The following DLGAP2 variants were observed in gnomAD, a reference collection of about 807,000 sequenced individuals.
DLGAP2 encodes the protein DLG associated protein 2, also known as disks large-associated protein 2.
DLGAP2 carries 26 observed loss-of-function variants against 100.3 expected under a neutral mutation model. The observed-to-expected ratio is 0.26, with a 90% CI of 0.19 to 0.36. DLGAP2 has a LOEUF of 0.36. Among genes scored for constraint, DLGAP2 ranks in the 10% least tolerant of loss-of-function variants. The pLI, the probability that DLGAP2 is intolerant of heterozygous loss-of-function variation, is 1.00. For synonymous variants in DLGAP2, 886 were observed against 630.1 expected, an observed-to-expected ratio of 1.41 and a Z score of -6.08; for missense variants, 1,858 against 1,453.2, an observed-to-expected ratio of 1.28 and a Z score of -4.53.
intron 12 of DLGAP2, among the ~76,000 whole-genome samples, chr8:1,679,958 C>T (rs1216826836): frequency 9.5e-6 from 1 of 105,580 alleles, no homozygotes; most frequent in East Asian, 3.2e-4. Flanking sequence ...CCAGCCTGGG[C>T]AACAGAATGA....
At chr8:981,465 A>T (rs527494004) in intron 2 of DLGAP2, among the ~76,000 whole-genome samples, 1 of 152,040 alleles carries the variant, frequency 6.6e-6, no homozygotes, top group Non-Finnish European at 1.5e-5. Context: ...GCGCTAGGTC[A>T]TTTGGTAAAT....
At chr8:1,499,968 C>A (rs1387263416) in intron 3 of DLGAP2, among the ~76,000 whole-genome samples, 1 of 118,126 alleles carries the variant, frequency 8.5e-6, no homozygotes, top group African/African-American at 3.4e-5. Flanking sequence ...TGGCTAACTG[C>A]ATCTAACACT....
intron 3 of DLGAP2, among the ~76,000 whole-genome samples, chr8:1,370,244 A>T (rs1016878855): frequency 6.6e-6 from 1 of 152,046 alleles, no homozygotes; most frequent in African/African-American, 2.4e-5. Flanking sequence ...AATGGAGGTG[A>T]TGTCCCACGG....
At chr8:1,531,350 G>A (rs141588191) in intron 4 of DLGAP2, among the ~76,000 whole-genome samples, 54 of 151,830 alleles carry the variant, frequency 3.6e-4, no homozygotes, top group East Asian at 3.9e-4. Flanking sequence ...TATTCTCCTA[G>A]AATAAGTTTC....
At chr8:1,454,943 C>G (rs1181607647) in intron 3 of DLGAP2, among the ~76,000 whole-genome samples, 1 of 152,186 alleles carries the variant, frequency 6.6e-6, no homozygotes, top group Admixed American at 6.5e-5. Flanking sequence ...CTCTGAGCTT[C>G]CCCGCCCATC....
At chr8:822,756 G>A (rs1796607392) in intron 1 of DLGAP2, among the ~76,000 whole-genome samples, 1 of 152,178 alleles carries the variant, frequency 6.6e-6, no homozygotes, top group African/African-American at 2.4e-5. Context: ...ACAGGCCTGG[G>A]CGTGGTGAGA....
chr8:1,547,830 A>ACAGCT (rs987741146), intron 4 of DLGAP2, among the ~76,000 whole-genome samples: 1 of 152,154 alleles, frequency 6.6e-6, no homozygotes, highest in Non-Finnish European at 1.5e-5. Context: ...CACAGATGGG[A>ACAGCT]CCTCGAGAAA....
chr8:1,411,222 G>C (rs1231674102), intron 3 of DLGAP2, among the ~76,000 whole-genome samples: 6 of 152,024 alleles, frequency 3.9e-5, no homozygotes, highest in Non-Finnish European at 8.8e-5. Context: ...GTCTGAAAAT[G>C]AATGTTTATA....
chr8:879,593 A>G (rs1797748338), intron 1 of DLGAP2, among the ~76,000 whole-genome samples: 1 of 152,168 alleles, frequency 6.6e-6, no homozygotes, highest in Non-Finnish European at 1.5e-5. Flanking sequence ...TGTCTTCATT[A>G]GTTTCCTAGG....
intron 2 of DLGAP2, among the ~76,000 whole-genome samples, chr8:1,131,716 C>T (rs952661334): frequency 1.3e-5 from 2 of 152,238 alleles, no homozygotes; most frequent in Middle Eastern, 6.8e-3. Flanking sequence ...GAGATGTTTG[C>T]TTTGGGGTTC....
intron 2 of DLGAP2, among the ~76,000 whole-genome samples, chr8:1,153,018 C>T (rs1056016687): frequency 2.6e-5 from 4 of 152,182 alleles, no homozygotes; most frequent in African/African-American, 9.7e-5. Flanking sequence ...ATGAAACTTA[C>T]CTCCTTTACT....
intron 4 of DLGAP2, among the ~76,000 whole-genome samples, chr8:1,529,931 G>A (rs192988381): frequency 2.6e-5 from 4 of 152,178 alleles, no homozygotes; most frequent in Non-Finnish European, 4.4e-5. Flanking sequence ...GGGAGTGTGC[G>A]AATAGGTGTG....
At chr8:738,069 G>A (rs1820366464) in intron 1 of DLGAP2, 1 of 278,578 alleles carries the variant, frequency 3.6e-6, no homozygotes, top group Non-Finnish European at 6.7e-6. Flanking sequence ...GCGCTCGGGG[G>A]TGCCGGGACC....
At chr8:838,765 A>C (rs1796929004) in intron 1 of DLGAP2, among the ~76,000 whole-genome samples, 1 of 152,212 alleles carries the variant, frequency 6.6e-6, no homozygotes, top group Admixed American at 6.5e-5. Context: ...ATGAGAGAAA[A>C]AGAGCCTTCT....
At chr8:1,453,003 A>G (rs984143662) in intron 3 of DLGAP2, among the ~76,000 whole-genome samples, 6 of 152,192 alleles carry the variant, frequency 3.9e-5, no homozygotes, top group African/African-American at 1.4e-4. Context: ...GAAGTCCACA[A>G]TTCAAAGGAA....
At chr8:1,053,550 G>C (rs1192130753) in intron 2 of DLGAP2, among the ~76,000 whole-genome samples, 2 of 152,122 alleles carry the variant, frequency 1.3e-5, no homozygotes, top group African/African-American at 2.4e-5. Context: ...CTGAAGAAGA[G>C]ACAGACGCGT....
chr8:849,736 A>G (rs773510403), intron 1 of DLGAP2, among the ~76,000 whole-genome samples: 26 of 152,148 alleles, frequency 1.7e-4, no homozygotes, highest in Non-Finnish European at 3.2e-4. Context: ...CCTGCTTTCC[A>G]TCTTTACTCT....
At chr8:1,274,953 G>A (rs944021215) in intron 3 of DLGAP2, among the ~76,000 whole-genome samples, 6 of 152,154 alleles carry the variant, frequency 3.9e-5, no homozygotes, top group African/African-American at 1.2e-4. Context: ...CCATGAGTGA[G>A]TGTTCACTGC....
chr8:1,554,750 G>A (rs1026527965), intron 5 of DLGAP2, among the ~76,000 whole-genome samples: 5 of 152,108 alleles, frequency 3.3e-5, no homozygotes, highest in Non-Finnish European at 7.4e-5. Context: ...TTGGCAAGCA[G>A]GAAGGACCCA....
Sources: gnomAD v4.1 joint callset for allele counts (sites outside exome capture counted in the v4.1 genomes callset) on GRCh38, gnomAD v4.1.1 for gene constraint, MANE v1.5 for transcripts, NCBI Gene and HGNC (gene_info 2026-07-23, HGNC 2026-07-21) for gene names.